Variants in PADI4 observed in about 807,000 individuals in gnomAD.
PADI4 encodes the protein peptidyl arginine deiminase 4.
A neutral mutation model predicts 75.0 loss-of-function variants in PADI4; 62 were observed. That is an observed-to-expected ratio of 0.83 (90% CI 0.67 to 1.02). PADI4 has a LOEUF of 1.02. Among genes scored for constraint, PADI4 ranks in the 50% least tolerant of loss-of-function variants. PADI4 has a pLI of 0.00. For missense variants in PADI4, 845 were observed against 850.5 expected, an observed-to-expected ratio of 0.99 and a Z score of 0.08; for synonymous variants, 361 against 348.1, an observed-to-expected ratio of 1.04 and a Z score of -0.41.
At chr1:17,345,949 C>T in intron 8 of PADI4, 79 bp from the exon 9 acceptor site, 1 of 927,442 alleles carries the variant, frequency 1.1e-6, no homozygotes, top group Non-Finnish European at 1.7e-6. Context: ...CCCTGAGCCA[C>T]CTGTGTGTCC....
chr1:17,322,149 C>T (rs755342304), intron 1 of PADI4, among the ~76,000 whole-genome samples: 1 of 152,110 alleles, frequency 6.6e-6, no homozygotes, highest in African/African-American at 2.4e-5. Flanking sequence ...GTCCTTTGTC[C>T]TGTACCTGTA....
chr1:17,334,776 A>C (rs1482309825), intron 3 of PADI4: 1 of 358,116 alleles, frequency 2.8e-6, no homozygotes, highest in Non-Finnish European at 5.5e-6. Context: ...TCTTCTTTAA[A>C]TAAAATCCAT....
chr1:17,351,417 C>G (rs2074617748), intron 10 of PADI4, among the ~76,000 whole-genome samples: 2 of 148,842 alleles, frequency 1.3e-5, no homozygotes, highest in Admixed American at 1.3e-4. Flanking sequence ...ATAGTCAAAC[C>G]CTGTCTCTAC....
intron 2 of PADI4, among the ~76,000 whole-genome samples, chr1:17,332,858 G>T (rs746525619): frequency 3.9e-5 from 6 of 152,070 alleles, no homozygotes; most frequent in Non-Finnish European, 8.8e-5. Context: ...CAAGCTGAAG[G>T]GTGACACGAA....
chr1:17,348,168 G>A (rs1372218650), intron 10 of PADI4, 120 bp downstream of exon 10: 2 of 561,022 alleles, frequency 3.6e-6, no homozygotes, highest in South Asian at 2.4e-5. Flanking sequence ...GCAAGGAGGT[G>A]GAATTCCTAC....
intron 1 of PADI4, 78 bp downstream of exon 1, chr1:17,308,392 T>C (rs1295843447): frequency 1.7e-6 from 2 of 1,169,930 alleles, no homozygotes; most frequent in Admixed American, 1.8e-5. Context: ...CACAGGAGCA[T>C]GTGTTTGGCC....
At chr1:17,314,468 T>A (rs757836827) in intron 1 of PADI4, among the ~76,000 whole-genome samples, 1 of 152,322 alleles carries the variant, frequency 6.6e-6, no homozygotes, top group South Asian at 2.1e-4. Flanking sequence ...CACTGGGGCA[T>A]CTCCTGGCCG....
At chr1:17,351,663 G>A (rs2074627058) in intron 10 of PADI4, among the ~76,000 whole-genome samples, 2 of 151,722 alleles carry the variant, frequency 1.3e-5, no homozygotes, top group South Asian at 4.2e-4. Context: ...TGGTCAGGGT[G>A]GGCTTCACGG....
intron 1 of PADI4, among the ~76,000 whole-genome samples, chr1:17,318,772 G>A (rs1019511572): frequency 6.7e-5 from 10 of 148,704 alleles, no homozygotes; most frequent in South Asian, 2.1e-4. Context: ...TGCAAACTCC[G>A]CCTCCCGGGT....
chr1:17,324,264 A>G (rs1203844238), intron 1 of PADI4, among the ~76,000 whole-genome samples: 3 of 148,484 alleles, frequency 2.0e-5, no homozygotes, highest in Non-Finnish European at 4.4e-5. Context: ...TTGAGTGGGT[A>G]TAAAACCCTA....
At chr1:17,310,798 T>C (rs1223961502) in intron 1 of PADI4, among the ~76,000 whole-genome samples, 1 of 151,864 alleles carries the variant, frequency 6.6e-6, no homozygotes, top group African/African-American at 2.4e-5. Flanking sequence ...CCGTCTCTAC[T>C]AAAAATACAA....
At position 17,331,074 on chromosome 1, in the gene PADI4, C is replaced by T; in HGVS notation, c.198C>T (p.Ser66=). 6.2e-7 allele frequency: 1 copy of T among 1,612,300 alleles called. No individual in the cohort carries two copies. Among genetic ancestry groups the T allele is most frequent in the Non-Finnish European group, 8.5e-7 (1 of 1,179,218 alleles). Residue 66 remains serine (S), a synonymous_variant, in exon 2 of 16, where the codon TCC becomes TCT. Coordinates refer to ENST00000375448, the MANE Select transcript of PADI4 (RefSeq NM_012387.3). ...PPAKKKSTGS[S]TWPLDPGVEV... is the part of the protein sequence containing the mutation. ...CCAAGAAGAAATCCACAGGTTCCTC[C>T]ACATGGCCCCTGGACCCTGGGGTAG...
At chr1:17,321,324 C>T (rs748606926) in intron 1 of PADI4, among the ~76,000 whole-genome samples, 13 of 152,128 alleles carry the variant, frequency 8.5e-5, no homozygotes, top group Non-Finnish European at 1.9e-4. Context: ...GAGAGCAGCA[C>T]GGGGGACCAC....
rs557548841 is a variant in PADI4 at position 17,323,559 on chromosome 1, G to A, written c.93-7410G>A. 4.4e-4 allele frequency among the ~76,000 whole-genome samples: 67 copies of A among 152,192 alleles called. 1 individual carries two copies. The highest frequency in any genetic ancestry group is 6.8e-3 in the Middle Eastern group (2 of 294). On this transcript the variant is annotated intron_variant, in intron 1 of 15. Transcript: ENST00000375448. ...AATAGAAAATGTAATCCTAAGCCAG[G>A]TACTGTGATTCATGCCTGTAATCCC...
At chr1:17,342,202 G>C in intron 7 of PADI4, 81 bp downstream of exon 7, 2 of 1,486,460 alleles carry the variant, frequency 1.3e-6, no homozygotes, top group East Asian at 2.3e-5. Context: ...ACAGAGCCCA[G>C]CTGGGCAGGG....
rs2100633996 is a variant in PADI4, at chr1:17,308,262, C to T, written c.40C>T (p.Pro14Ser). 6.2e-7 allele frequency: 1 copy of T among 1,614,136 alleles called. No homozygotes were observed. The highest frequency in any genetic ancestry group is 2.2e-5 in the East Asian group (1 of 44,868). ...ATTGATCCGTGTGACCCCAGAGCAG[C>T]CCACCCATGCCGTGTGTGTGCTGGG... is the stretch of plus-strand genomic sequence containing the variant. ...GTLIRVTPEQ[P>S]THAVCVLGTL... is the part of the protein sequence containing the mutation. The change falls in exon 1 of 16, where the codon CCC becomes TCC. Residue 14 changes from proline to serine, a missense_variant. Pro to Ser is a moderately conservative substitution (Grantham distance 74, BLOSUM62 -1). Coordinates refer to ENST00000375448, the MANE Select transcript of PADI4 (RefSeq NM_012387.3).
At chr1:17,360,396 A>T (rs2074832527) in intron 15 of PADI4, among the ~76,000 whole-genome samples, 1 of 151,982 alleles carries the variant, frequency 6.6e-6, no homozygotes, top group Admixed American at 6.6e-5. Flanking sequence ...ATGCCTGCTT[A>T]TGTCCCTATC....
Position 17,354,638 on chromosome 1 carries a change from A to C in PADI4, c.1261A>C (p.Lys421Gln). The C allele has an allele frequency of 1.2e-6, 2 of 1,613,996 alleles. No individual in the cohort carries two copies. Among genetic ancestry groups the C allele is most frequent in the South Asian group, 2.2e-5 (2 of 91,068 alleles). The change falls in exon 11 of 16, where the codon AAG becomes CAG. Residue 421 changes from lysine (K) to glutamine (Q), a missense_variant. Lys to Gln is a moderately conservative substitution (Grantham distance 53). Coordinates refer to ENST00000375448, the MANE Select transcript of PADI4 (RefSeq NM_012387.3). ...GAGCCCCCCAGTCACAGTCAGGGGCAAGGAATACCCGCTGGGCAGGATTCT... is the reference window on the plus strand; with the variant it reads ...GAGCCCCCCAGTCACAGTCAGGGGCCAGGAATACCCGCTGGGCAGGATTCT... The part of the protein sequence containing the change: ...EVSPPVTVRG[K>Q]EYPLGRILFG...
Position 17,338,163 on chromosome 1 carries a change from G to T in PADI4, c.526+8G>T, listed in dbSNP as rs370076851. ...AAGTGCTTGACAGCGAAGGTAAAGA[G>T]CATTTGCTAGCTAACGGGAAGGGCT... On this transcript the variant is annotated splice_region_variant and intron_variant, in intron 5 of 15. Coordinates refer to ENST00000375448, the MANE Select transcript of PADI4 (RefSeq NM_012387.3). 7.0e-6 allele frequency: 11 copies of T among 1,560,984 alleles called. No individual in the cohort carries two copies. The African/African-American group carries it at 1.4e-4, about 19-fold the overall frequency.
Sources: allele counts gnomAD v4.1 joint callset (sites outside exome capture counted in the v4.1 genomes callset), GRCh38; gene constraint gnomAD v4.1.1; transcripts MANE v1.5; gene names NCBI Gene and HGNC (gene_info 2026-07-23, HGNC 2026-07-21).